ITPR1: variants seen among roughly 807,000 people sequenced by gnomAD.
ITPR1 encodes inositol 1,4,5-trisphosphate-gated calcium channel ITPR1.
In ITPR1, 96 loss-of-function variants were observed where a neutral mutation model predicts 318.4. That is an observed-to-expected ratio of 0.30 (90% CI 0.26 to 0.36). The LOEUF (loss-of-function observed/expected upper bound fraction) is 0.36, where lower values mean the gene tolerates loss of function less well. Among genes scored for constraint, ITPR1 ranks in the 10% least tolerant of loss-of-function variants. The pLI, the probability that ITPR1 is intolerant of heterozygous loss-of-function variation, is 1.00. For synonymous variants in ITPR1, 1,312 were observed against 1,289.9 expected (o/e 1.02, Z -0.37); for missense variants, 2,440 against 3,460.2 (o/e 0.71, Z 7.40).
chr3:4,608,209 C>T (rs1324179955), intron 4 of ITPR1, among the ~76,000 whole-genome samples: 1 of 152,046 alleles, frequency 6.6e-6, no homozygotes, highest in Non-Finnish European at 1.5e-5. Flanking sequence ...TGATTTACTC[C>T]GAAGTTTGAT....
At chr3:4,531,067 G>A (rs936119264) in intron 4 of ITPR1, among the ~76,000 whole-genome samples, 1 of 152,124 alleles carries the variant, frequency 6.6e-6, no homozygotes, top group African/African-American at 2.4e-5. Flanking sequence ...CATGGGTACT[G>A]TTATGTCCCC....
At chr3:4,754,285 A>G (rs1329861926) in intron 44 of ITPR1, among the ~76,000 whole-genome samples, 1 of 152,134 alleles carries the variant, frequency 6.6e-6, no homozygotes, top group Non-Finnish European at 1.5e-5. Flanking sequence ...CCATGGAGGA[A>G]CAGCACCCAA....
chr3:4,617,359 C>G (rs1344592132), intron 4 of ITPR1, among the ~76,000 whole-genome samples: 1 of 152,104 alleles, frequency 6.6e-6, no homozygotes, highest in African/African-American at 2.4e-5. Flanking sequence ...GGCCTGGTCT[C>G]TGCTCTCAAG....
At chr3:4,753,062 A>T (rs2044666731) in intron 44 of ITPR1, among the ~76,000 whole-genome samples, 1 of 152,216 alleles carries the variant, frequency 6.6e-6, no homozygotes, top group Non-Finnish European at 1.5e-5. Flanking sequence ...GACCCAACAG[A>T]TGCGAAGAGA....
chr3:4,703,059 C>G (rs2094688830), intron 36 of ITPR1, 109 bp downstream of exon 36: 1 of 1,235,454 alleles, frequency 8.1e-7, no homozygotes, highest in Middle Eastern at 2.0e-4. Context: ...GTTACACAGA[C>G]AGGAAGTTTC....
At chr3:4,645,922 A>G in intron 10 of ITPR1, 194 bp downstream of exon 10, 1 of 551,252 alleles carries the variant, frequency 1.8e-6, no homozygotes, top group Non-Finnish European at 3.1e-6. Flanking sequence ...AAGTACTTAT[A>G]CCCACCTTAT....
intron 4 of ITPR1, among the ~76,000 whole-genome samples, chr3:4,609,579 G>A (rs1038449203): frequency 3.9e-5 from 6 of 152,068 alleles, no homozygotes; most frequent in African/African-American, 7.2e-5. Context: ...ACACGTGGTC[G>A]GGGCTGGATG....
chr3:4,568,081 C>T lies in ITPR1; in HGVS notation c.163+46987C>T, dbSNP rs190425476. Among the ~76,000 whole-genome samples, 10 of 152,236 alleles carry T rather than the reference C, an allele frequency of 6.6e-5. No individual in the cohort carries two copies. The East Asian group carries it at 1.7e-3, about 26-fold the overall frequency. On this transcript the variant is annotated intron_variant, in intron 4 of 61. Transcript: ENST00000649015. ...AGGTGGGGATGGGAGAGCCTGAAGG[C>T]GCAGACCTGAGAAGAGAAGGAGATT...
intron 60 of ITPR1, among the ~76,000 whole-genome samples, chr3:4,833,989 T>A (rs1307858617): frequency 6.6e-6 from 1 of 152,214 alleles, no homozygotes; most frequent in Non-Finnish European, 1.5e-5. Flanking sequence ...CCTCCTGGGC[T>A]CAAACGATCC....
chr3:4,701,234 G>T (rs1288725472), intron 35 of ITPR1, among the ~76,000 whole-genome samples: 2 of 152,224 alleles, frequency 1.3e-5, no homozygotes, highest in African/African-American at 4.8e-5. Flanking sequence ...GAGCTGGGCT[G>T]TTGGGTTCTC....
chr3:4,764,085 C>T (rs1380240600), intron 44 of ITPR1, among the ~76,000 whole-genome samples: 4 of 152,172 alleles, frequency 2.6e-5, no homozygotes, highest in African/African-American at 2.4e-5. Flanking sequence ...TCTGTAAGCC[C>T]GCATGGGTGA....
chr3:4,828,089 G>A (rs1425440492), intron 60 of ITPR1, among the ~76,000 whole-genome samples: 7 of 152,228 alleles, frequency 4.6e-5, no homozygotes. Context: ...GAACGTGGTT[G>A]CGTTGAAGCA....
chr3:4,829,697 A>G (rs1303829905), intron 60 of ITPR1, among the ~76,000 whole-genome samples: 1 of 152,060 alleles, frequency 6.6e-6, no homozygotes, highest in African/African-American at 2.4e-5. Flanking sequence ...CCAATATTGG[A>G]TACATTGATA....
chr3:4,812,565 C>T (rs1376757372), intron 56 of ITPR1, among the ~76,000 whole-genome samples: 1 of 152,148 alleles, frequency 6.6e-6, no homozygotes, highest in Non-Finnish European at 1.5e-5. Flanking sequence ...CCTCTTCTCT[C>T]AGTTACAATA....
At chr3:4,537,818 T>C (rs2084023525) in intron 4 of ITPR1, among the ~76,000 whole-genome samples, 1 of 152,258 alleles carries the variant, frequency 6.6e-6, no homozygotes, top group African/African-American at 2.4e-5. Flanking sequence ...AGTAGATTTG[T>C]GTTGCTTTAA....
intron 4 of ITPR1, among the ~76,000 whole-genome samples, chr3:4,612,562 A>G (rs2092197003): frequency 6.6e-6 from 1 of 151,916 alleles, no homozygotes; most frequent in South Asian, 2.1e-4. Flanking sequence ...GTCAGACATC[A>G]TCTCATTTCA....
rs541191392 is a variant in ITPR1, at chr3:4,676,660, C to T, written c.2826C>T (p.Thr942=). ...RSIHGVGELM[T]QVVLRGGGFL... is the part of the protein sequence containing the mutation. ...TTCATGGCGTGGGAGAGCTGATGAC[C>T]CAGGTGGTGCTCCGGGGAGGAGGCT... Residue 942 remains threonine (T), a synonymous_variant, in exon 24 of 62, where the codon ACC becomes ACT. Coordinates refer to ENST00000649015, the MANE Select transcript of ITPR1 (RefSeq NM_001378452.1). 6.2e-6 allele frequency: 10 copies of T among 1,613,676 alleles called. No individual in the cohort carries two copies. In the African/African-American group the frequency reaches 1.3e-4, roughly 22 times the overall value.
In ITPR1 at chr3:4,635,566, C is replaced by T. The variant is rs577400184; in HGVS notation, c.280-3818C>T. On this transcript the variant is annotated intron_variant, in intron 5 of 61. Transcript: ENST00000649015. ...TTCCCTGTGTTAGCCAGGATGGTCTCGATCTCCTGACCTTGTGATCTGCCC... is the reference window on the plus strand; with the variant it reads ...TTCCCTGTGTTAGCCAGGATGGTCTTGATCTCCTGACCTTGTGATCTGCCC... 1.1e-4 allele frequency among the ~76,000 whole-genome samples: 17 copies of T among 151,852 alleles called. No individual in the cohort carries two copies. The South Asian group carries it at 2.7e-3, about 24-fold the overall frequency.
In ITPR1 at chr3:4,814,462, A is replaced by G. The variant is rs2049152705; in HGVS notation, c.7601A>G (p.His2534Arg). 1.2e-6 allele frequency: 2 copies of G among 1,613,916 alleles called. No individual in the cohort carries two copies. The highest frequency in any genetic ancestry group is 1.3e-5 in the African/African-American group (1 of 75,024). The stretch of plus-strand genomic sequence containing the variant: ...GAAGAGACGGAACAGGATAAAGAGC[A>G]CACATGTGAGACGCTGCTGATGTGC... ...PAEETEQDKE[H>R]TCETLLMCIV... The change falls in exon 58 of 62, where the codon CAC becomes CGC. Residue 2534 changes from histidine (H) to arginine (R), a missense_variant. By Grantham distance (29) the His-to-Arg change is conservative. Coordinates refer to ENST00000649015, the MANE Select transcript of ITPR1 (RefSeq NM_001378452.1).
Sources: gnomAD v4.1 joint callset for allele counts (sites outside exome capture counted in the v4.1 genomes callset) on GRCh38, gnomAD v4.1.1 for gene constraint, MANE v1.5 for transcripts, NCBI Gene and HGNC (gene_info 2026-07-23, HGNC 2026-07-21) for gene names.